Variants in RCBTB2 observed in about 807,000 individuals in gnomAD.
RCBTB2 encodes RCC1 and BTB domain containing protein 2.
RCBTB2 carries 55 observed loss-of-function variants against 65.4 expected under a neutral mutation model. The observed-to-expected ratio is 0.84, with a 90% CI of 0.68 to 1.05. The LOEUF is 1.05. Among genes scored for constraint, RCBTB2 ranks in the 50% least tolerant of loss-of-function variants. RCBTB2 has a pLI of 0.00. For synonymous variants in RCBTB2, 220 were observed against 255.2 expected, an observed-to-expected ratio of 0.86 and a Z score of 1.31; for missense variants, 599 against 680.1, an observed-to-expected ratio of 0.88 and a Z score of 1.33.
At chr13:48,515,447 T>C in intron 5 of RCBTB2, 92 bp from the exon 6 acceptor site, 15 of 1,401,984 alleles carry the variant, frequency 1.1e-5, no homozygotes, top group Non-Finnish European at 1.5e-5. Context: ...TTAAGCAAAC[T>C]GCTTCTTTAT....
rs145457559 is a variant in RCBTB2 at position 48,517,312 on chromosome 13, G to A, written c.43-1571C>T. On this transcript the variant is annotated intron_variant, in intron 4 of 14. Transcript: ENST00000344532. ...TACCTTTGTGTTGGTTAATGAACAA[G>A]TAAATGAATGGCTGTGACTCATTTC... Among the ~76,000 whole-genome samples the A allele has an allele frequency of 4.8e-4, 73 of 152,276 alleles. 3 individuals are homozygous for A. In the East Asian group the frequency reaches 0.013, roughly 27 times the overall value.
chr13:48,520,363 G>A (rs747439267), intron 4 of RCBTB2, among the ~76,000 whole-genome samples: 9 of 152,176 alleles, frequency 5.9e-5, no homozygotes, highest in Non-Finnish European at 1.3e-4. Context: ...GTATGGTCAA[G>A]AGAAAAATCT....
At chr13:48,506,568 AC>A (rs1950515017) in intron 10 of RCBTB2, among the ~76,000 whole-genome samples, 1 of 151,400 alleles carries the variant, frequency 6.6e-6, no homozygotes, top group South Asian at 2.1e-4. Flanking sequence ...GTCTAAGAAA[AC>A]CCCCGGCTGG....
chr13:48,512,939 T>C (rs757878290), intron 6 of RCBTB2, 44 bp from the exon 7 acceptor site: 5 of 1,513,240 alleles, frequency 3.3e-6, no homozygotes, highest in Non-Finnish European at 4.5e-6. Flanking sequence ...CAACATCTAC[T>C]TCATTATACG....
rs1951487072 is a variant in RCBTB2, at chr13:48,522,531, T to C, written c.-119-128A>G. The C allele has an allele frequency of 1.8e-5, 11 of 600,390 alleles. No individual in the cohort carries two copies. In the South Asian group the frequency reaches 2.0e-4, roughly 11 times the overall value. 37.2% of individuals were successfully genotyped at this position (600,390 alleles called of 1,614,324 possible). A position where few individuals can be genotyped will look rare whatever the true frequency, so the allele number is the denominator to read the frequency against. ...ATCAAATATGTAGCAATGCACTAAATGTTCTTGCCTTAATAACCATGCCCA... is the reference window on the plus strand; with the variant it reads ...ATCAAATATGTAGCAATGCACTAAACGTTCTTGCCTTAATAACCATGCCCA... On this transcript the variant is annotated intron_variant, in intron 2 of 14. Transcript: ENST00000344532.
At chr13:48,514,112 C>T (rs969446739) in intron 6 of RCBTB2, among the ~76,000 whole-genome samples, 4 of 152,152 alleles carry the variant, frequency 2.6e-5, no homozygotes, top group South Asian at 2.1e-4. Flanking sequence ...AAGCAAGAAC[C>T]GTATGGTTTC....
intron 11 of RCBTB2, among the ~76,000 whole-genome samples, chr13:48,502,364 G>T (rs1232832043): frequency 6.6e-6 from 1 of 151,896 alleles, no homozygotes; most frequent in African/African-American, 2.4e-5. Flanking sequence ...ATGGTAATGG[G>T]TATGTATAGT....
At chr13:48,515,825 C>G in intron 4 of RCBTB2, 84 bp from the exon 5 acceptor site, 1 of 1,375,606 alleles carries the variant, frequency 7.3e-7, no homozygotes, top group Non-Finnish European at 9.9e-7. Flanking sequence ...AGAGGGCGAA[C>G]ACTGGTTTTG....
chr13:48,528,938 T>C (rs1951953968), intron 1 of RCBTB2, among the ~76,000 whole-genome samples: 1 of 152,220 alleles, frequency 6.6e-6, no homozygotes, highest in Non-Finnish European at 1.5e-5. Context: ...AAAACTGTTG[T>C]GTAGAATACA....
intron 1 of RCBTB2, chr13:48,532,788 G>C: frequency 3.2e-6 from 1 of 315,752 alleles, no homozygotes; most frequent in Non-Finnish European, 6.2e-6. Context: ...TGCGGCCTGG[G>C]CTGGGTGTAG....
At chr13:48,532,943 G>A (rs888012038) in intron 1 of RCBTB2, 85 bp downstream of exon 1, 1 of 453,766 alleles carries the variant, frequency 2.2e-6, no homozygotes, top group Non-Finnish European at 4.4e-6. Flanking sequence ...GGGGAGGGGT[G>A]GCCTGCCCCA....
chr13:48,504,684 C>A (rs766017668), intron 10 of RCBTB2, among the ~76,000 whole-genome samples: 3 of 152,224 alleles, frequency 2.0e-5, no homozygotes, highest in Non-Finnish European at 4.4e-5. Context: ...TGGTGTCTTA[C>A]TGAATATAAT....
rs73486810 is a variant in RCBTB2 at position 48,520,701 on chromosome 13, T to C, written c.42+1197A>G. On this transcript the variant is annotated intron_variant, in intron 4 of 14. Coordinates refer to ENST00000344532, the MANE Select transcript of RCBTB2 (RefSeq NM_001268.4). ...TTTGAGTGTGTGATACCTGTATAAC[T>C]ATGCTTCTCCAGCAATATGAAGAAT... 4.3e-3 allele frequency among the ~76,000 whole-genome samples: 661 copies of C among 152,328 alleles called. 3 individuals are homozygous for C. The highest frequency in any genetic ancestry group is 0.015 in the African/African-American group (626 of 41,572).
At chr13:48,513,209 G>A (rs1950902812) in intron 6 of RCBTB2, among the ~76,000 whole-genome samples, 1 of 152,056 alleles carries the variant, frequency 6.6e-6, no homozygotes, top group Non-Finnish European at 1.5e-5. Context: ...ATATTAGAAG[G>A]CCACTTAACT....
intron 6 of RCBTB2, among the ~76,000 whole-genome samples, 188 bp from the exon 7 acceptor site, chr13:48,513,083 A>G (rs1241133760): frequency 1.3e-5 from 2 of 152,232 alleles, no homozygotes; most frequent in African/African-American, 4.8e-5. Flanking sequence ...TTCTACCTCA[A>G]AGCAACAAGG....
At chr13:48,528,267 T>G (rs1951915927) in intron 1 of RCBTB2, among the ~76,000 whole-genome samples, 1 of 152,156 alleles carries the variant, frequency 6.6e-6, no homozygotes, top group African/African-American at 2.4e-5. Context: ...CTAATAATTC[T>G]TCTTTAGAAG....
chr13:48,506,183 C>T lies in RCBTB2; in HGVS notation c.927-3269G>A, dbSNP rs9332028. 2.0e-3 allele frequency among the ~76,000 whole-genome samples: 312 copies of T among 152,286 alleles called. 5 individuals are homozygous for T. The East Asian group carries it at 0.034, about 16-fold the overall frequency. ...ACCAACATGCAGGCAGAGCTGGAGA[C>T]GGCAGGATGGCAGAGAGCAGCATCG... On this transcript the variant is annotated intron_variant, in intron 10 of 14. Coordinates refer to ENST00000344532, the MANE Select transcript of RCBTB2 (RefSeq NM_001268.4).
chr13:48,525,110 T>A (rs1321364047), intron 1 of RCBTB2, among the ~76,000 whole-genome samples: 1 of 151,744 alleles, frequency 6.6e-6, no homozygotes, highest in South Asian at 2.1e-4. Context: ...AGCAAAACTT[T>A]CAAACTTTTA....
intron 1 of RCBTB2, among the ~76,000 whole-genome samples, chr13:48,529,343 C>T (rs1951977348): frequency 1.3e-5 from 2 of 152,118 alleles, no homozygotes; most frequent in Non-Finnish European, 2.9e-5. Flanking sequence ...ATGGCAGGCC[C>T]TCTTGGCCTT....
Sources: allele counts gnomAD v4.1 joint callset (sites outside exome capture counted in the v4.1 genomes callset), GRCh38; gene constraint gnomAD v4.1.1; transcripts MANE v1.5; gene names NCBI Gene and HGNC (gene_info 2026-07-23, HGNC 2026-07-21).